Variants in SSX2IP observed in about 807,000 individuals in gnomAD.
SSX2IP encodes the protein afadin- and alpha-actinin-binding protein.
A neutral mutation model predicts 84.9 loss-of-function variants in SSX2IP; 55 were observed. The ratio of observed to expected loss-of-function variants is 0.65; its 90% CI spans 0.52 to 0.81. SSX2IP has a LOEUF of 0.81. Ranked by LOEUF, SSX2IP falls within the 30% of genes least tolerant of loss-of-function variation. SSX2IP has a pLI of 0.00. For missense variants in SSX2IP, 664 were observed against 705.2 expected (o/e 0.94, Z 0.66); for synonymous variants, 239 against 234.7 (o/e 1.02, Z -0.17).
chr1:84,686,626 G>A (rs946948267), intron 1 of SSX2IP, among the ~76,000 whole-genome samples: 1 of 152,076 alleles, frequency 6.6e-6, no homozygotes, highest in Non-Finnish European at 1.5e-5. Context: ...AAAAGGGGCA[G>A]GAGAACAAAC....
At chr1:84,655,327 A>T (rs1241928461) in intron 11 of SSX2IP, 1 of 1,081,320 alleles carries the variant, frequency 9.2e-7, no homozygotes, top group Non-Finnish European at 1.1e-6. Flanking sequence ...TTTTAACCTT[A>T]TTCAGACATT....
At chr1:84,669,491 T>C (rs981398221) in intron 4 of SSX2IP, among the ~76,000 whole-genome samples, 190 bp downstream of exon 4, 4 of 152,146 alleles carry the variant, frequency 2.6e-5, no homozygotes, top group African/African-American at 9.7e-5. Context: ...GCTCAAAAAA[T>C]TAATGCCTTC....
intron 1 of SSX2IP, among the ~76,000 whole-genome samples, chr1:84,676,560 A>C (rs1458396735): frequency 4.6e-5 from 7 of 152,100 alleles, no homozygotes; most frequent in Non-Finnish European, 7.4e-5. Flanking sequence ...GCAGAGCTTA[A>C]ATCTATCATT....
rs1389047099 is a variant in SSX2IP, at chr1:84,645,780, GTCT to G, written c.*1650_*1652del. 3 of 152,162 alleles carry G rather than the reference GTCT, an allele frequency of 2.0e-5. No individual in the cohort carries two copies. Among genetic ancestry groups the G allele is most frequent in the African/African-American group, 4.8e-5 (2 of 41,432 alleles). 9.4% of individuals were successfully genotyped at this position (152,162 alleles called of 1,614,324 possible). A position where few individuals can be genotyped will look rare whatever the true frequency, so the allele number is the denominator to read the frequency against. ...ATTTCTTCCTTTAGCATATGGTAGT[GTCT>G]TCGATATTTTGTACAATGTGTAGTA... On this transcript the variant is annotated 3_prime_UTR_variant, in exon 14 of 14. Coordinates refer to ENST00000342203, the MANE Select transcript of SSX2IP (RefSeq NM_001166293.2).
chr1:84,687,882 C>A (rs1008934931), intron 1 of SSX2IP, among the ~76,000 whole-genome samples: 5 of 152,178 alleles, frequency 3.3e-5, no homozygotes, highest in African/African-American at 1.2e-4. Flanking sequence ...TACACTGCTG[C>A]AGAATGCACC....
rs1440096722 is a variant in SSX2IP, at chr1:84,647,476, A to G, written c.1802T>C (p.Leu601Ser). 2 of 1,611,430 alleles carry G rather than the reference A, an allele frequency of 1.2e-6. No homozygotes were observed. The highest frequency in any genetic ancestry group is 3.3e-5 in the Admixed American group (2 of 59,790). ...SQEGCYSGCS[L>S]SYTNSHVEKD... Reference sequence around the variant, plus strand: ...TTCTACATGAGAATTTGTGTAGCTCAAGGAGCATCCACTATAGCAACCTTC... The same window carrying G: ...TTCTACATGAGAATTTGTGTAGCTCGAGGAGCATCCACTATAGCAACCTTC... Residue 601 changes from leucine to serine, a missense_variant, in exon 14 of 14, where the codon TTG becomes TCG. Physicochemically the swap from Leu to Ser is moderately radical, Grantham distance 145. Coordinates refer to ENST00000342203, the MANE Select transcript of SSX2IP (RefSeq NM_001166293.2).
intron 1 of SSX2IP, among the ~76,000 whole-genome samples, chr1:84,678,371 G>T (rs976888680): frequency 3.3e-5 from 5 of 152,116 alleles, no homozygotes; most frequent in African/African-American, 4.8e-5. Flanking sequence ...CTTCTTGCAC[G>T]TATTTCAAAA....
At chr1:84,658,141 G>GTAAAA (rs1029334383) in intron 9 of SSX2IP, 177 bp downstream of exon 9, 17 of 700,296 alleles carry the variant, frequency 2.4e-5, no homozygotes, top group Non-Finnish European at 3.4e-5. Context: ...GTCTCAAAAA[G>GTAAAA]TAAAATAAAA....
chr1:84,689,266 A>G (rs1403123469), intron 1 of SSX2IP, among the ~76,000 whole-genome samples: 1 of 152,188 alleles, frequency 6.6e-6, no homozygotes, highest in Non-Finnish European at 1.5e-5. Context: ...AAATGAGTCA[A>G]CTCATACCAA....
At position 84,651,977 on chromosome 1, in the gene SSX2IP, T is replaced by C. The variant is rs1334839317; in HGVS notation, c.1410A>G (p.Glu470=). The change falls in exon 12 of 14, where the codon GAA becomes GAG. Residue 470 remains glutamate, a synonymous_variant. Coordinates refer to ENST00000342203, the MANE Select transcript of SSX2IP (RefSeq NM_001166293.2). The stretch of plus-strand genomic sequence containing the variant: ...ACTGCTGCTTTAACCAACTGGCTCT[T>C]TCTTCTTCAAATGCCTTTCTCTACC... ...LGLERKAFEE[E]RASWLKQQFL... 9.3e-6 allele frequency: 15 copies of C among 1,613,616 alleles called. No individual in the cohort carries two copies. The Admixed American group carries it at 2.2e-4, about 23-fold the overall frequency.
chr1:84,690,541 C>G (rs1162186765), upstream of SSX2IP: 2 of 152,112 alleles, frequency 1.3e-5, no homozygotes, highest in Non-Finnish European at 2.9e-5. Context: ...CGCAGGTTTC[C>G]GAGGTTCCCA....
At chr1:84,689,241 T>C (rs1412137980) in intron 1 of SSX2IP, among the ~76,000 whole-genome samples, 1 of 152,220 alleles carries the variant, frequency 6.6e-6, no homozygotes, top group Non-Finnish European at 1.5e-5. Flanking sequence ...CTTTACAAAT[T>C]TTATTCACTC....
intron 13 of SSX2IP, among the ~76,000 whole-genome samples, chr1:84,648,738 G>C (rs891744173): frequency 6.6e-6 from 1 of 152,216 alleles, no homozygotes; most frequent in Admixed American, 6.5e-5. Context: ...AAATTTAGAA[G>C]TTTGAATAAC....
intron 10 of SSX2IP, 122 bp from the exon 11 acceptor site, chr1:84,656,127 AAAGTCAAATGAGAAT>A (rs1651068467): frequency 9.6e-7 from 1 of 1,047,020 alleles, no homozygotes. Flanking sequence ...TAAGAATCAA[AAAGTCAAATGAGAAT>A]TCTCATTTCC....
intron 1 of SSX2IP, among the ~76,000 whole-genome samples, chr1:84,683,216 G>A (rs1275891587): frequency 2.0e-5 from 3 of 151,366 alleles, no homozygotes. Context: ...CTATCAATCC[G>A]TCATCTAGGT....
In SSX2IP at chr1:84,656,480, T is replaced by C. The variant is rs1164130471; in HGVS notation, c.1083A>G (p.Ser361=). The part of the protein sequence containing the change: ...SHVEKLDNQV[S]KVHLEGFNDE... ...CATTAAAACCTTCCAGGTGTACCTTTGAAACTAAGACAAAATCAGTAAGTT... is the reference window on the plus strand; with the variant it reads ...CATTAAAACCTTCCAGGTGTACCTTCGAAACTAAGACAAAATCAGTAAGTT... The change falls in exon 10 of 14, where the codon TCA becomes TCG. Residue 361 remains serine, a synonymous_variant. Transcript: ENST00000342203. The C allele has an allele frequency of 6.2e-7, 1 of 1,610,910 alleles. No homozygotes were observed.
chr1:84,647,735 AT>A, intron 13 of SSX2IP, 128 bp from the exon 14 acceptor site: 1 of 556,650 alleles, frequency 1.8e-6, no homozygotes, highest in Non-Finnish European at 2.6e-6. Context: ...CAAAAATATA[AT>A]TTAAAATTTT....
intron 1 of SSX2IP, among the ~76,000 whole-genome samples, chr1:84,676,882 T>C (rs1654425977): frequency 6.6e-6 from 1 of 151,966 alleles, no homozygotes; most frequent in African/African-American, 2.4e-5. Flanking sequence ...GCCTAGCTAA[T>C]TTTTGTATTT....
At chr1:84,648,259 C>T (rs1339847143) in intron 13 of SSX2IP, among the ~76,000 whole-genome samples, 2 of 152,146 alleles carry the variant, frequency 1.3e-5, no homozygotes, top group African/African-American at 4.8e-5. Flanking sequence ...GGCTGCACAG[C>T]TTCTCTATTA....
Sources: gnomAD v4.1 joint callset for allele counts (sites outside exome capture counted in the v4.1 genomes callset) on GRCh38, gnomAD v4.1.1 for gene constraint, MANE v1.5 for transcripts, NCBI Gene and HGNC (gene_info 2026-07-23, HGNC 2026-07-21) for gene names.